The following SELP variants were observed in gnomAD, a reference collection of about 807,000 sequenced individuals.
The protein encoded by SELP is selectin P, also known as P-selectin.
In SELP, 92 loss-of-function variants were observed where a neutral mutation model predicts 104.1. The ratio of observed to expected loss-of-function variants is 0.88; its 90% CI spans 0.75 to 1.05. The LOEUF is 1.05. SELP is among the 50% of genes least tolerant of loss of function. The probability of loss-of-function intolerance (pLI) is 0.00; values close to 1 mark genes in which losing one functional copy is unlikely to be tolerated. For synonymous variants in SELP, 397 were observed against 364.5 expected, an observed-to-expected ratio of 1.09 and a Z score of -1.01; for missense variants, 1,022 against 1,017.3, an observed-to-expected ratio of 1.00 and a Z score of -0.06.
At chr1:169,603,929 G>T (rs1051671732) in intron 9 of SELP, among the ~76,000 whole-genome samples, 4 of 152,202 alleles carry the variant, frequency 2.6e-5, no homozygotes, top group Admixed American at 2.6e-4. Context: ...ATGTGTCTTG[G>T]TAGCAACATG....
intron 12 of SELP, 105 bp downstream of exon 12, chr1:169,595,820 G>T: frequency 1.1e-6 from 1 of 899,082 alleles, no homozygotes; most frequent in Non-Finnish European, 1.8e-6. Context: ...ATGACACTTG[G>T]AGTAGTGGTT....
chr1:169,613,178 T>A, intron 4 of SELP, 64 bp from the exon 5 acceptor site: 1 of 1,437,736 alleles, frequency 7.0e-7, no homozygotes, highest in Non-Finnish European at 9.3e-7. Flanking sequence ...TCATGTTTGC[T>A]GAAAGCTGTA....
chr1:169,605,930 G>A (rs3917759), intron 9 of SELP, among the ~76,000 whole-genome samples: 126 of 152,218 alleles, frequency 8.3e-4, no homozygotes, highest in African/African-American at 2.7e-3. Flanking sequence ...AAAAATATAC[G>A]TCTATCCTTC....
At chr1:169,599,140 T>C (rs1008395729) in intron 10 of SELP, among the ~76,000 whole-genome samples, 1 of 152,146 alleles carries the variant, frequency 6.6e-6, no homozygotes, top group Admixed American at 6.6e-5. Context: ...GTTTACCTGT[T>C]TGAGGGGCAG....
chr1:169,596,189 CAG>C, intron 11 of SELP, 55 bp from the exon 12 acceptor site: 1 of 1,519,586 alleles, frequency 6.6e-7, no homozygotes, highest in Non-Finnish European at 9.1e-7. Flanking sequence ...GAAGCGTTAA[CAG>C]AGTTAAGGCT....
At chr1:169,617,643 C>T (rs975789566) in intron 2 of SELP, among the ~76,000 whole-genome samples, 3 of 152,106 alleles carry the variant, frequency 2.0e-5, no homozygotes, top group African/African-American at 7.2e-5. Context: ...TTCTGAGGAT[C>T]CTTGATGTTA....
At chr1:169,590,633 C>A (rs2101856794) in intron 15 of SELP, among the ~76,000 whole-genome samples, 1 of 152,242 alleles carries the variant, frequency 6.6e-6, no homozygotes, top group African/African-American at 2.4e-5. Flanking sequence ...TGCTGGATGT[C>A]TACGACAATA....
intron 1 of SELP, among the ~76,000 whole-genome samples, chr1:169,621,428 TTGTGTGTGTGTGTGTGTGTG>T (rs57079522): frequency 7.7e-6 from 1 of 130,680 alleles, no homozygotes; most frequent in Non-Finnish European, 1.6e-5. Context: ...CAGTGTGAGG[TTGTGTGTGTGTGTGTGTGTG>T]TGTGTGTGTG....
intron 9 of SELP, among the ~76,000 whole-genome samples, chr1:169,605,239 A>T (rs1000213362): frequency 6.6e-6 from 1 of 152,138 alleles, no homozygotes; most frequent in Non-Finnish European, 1.5e-5. Flanking sequence ...GGACTTTGTG[A>T]TATGTCCAGA....
intron 1 of SELP, among the ~76,000 whole-genome samples, chr1:169,623,509 C>T (rs1040750791): frequency 1.3e-5 from 2 of 152,132 alleles, no homozygotes; most frequent in African/African-American, 4.8e-5. Context: ...AGCAAAATTT[C>T]ATCAGCAAAT....
rs35101476 is a variant in SELP at position 169,613,059 on chromosome 1, G to T, written c.645C>A (p.His215Gln). The T allele has an allele frequency of 6.2e-7, 1 of 1,613,530 alleles. No individual in the cohort carries two copies. The highest frequency in any genetic ancestry group is 1.3e-5 in the African/African-American group (1 of 74,904). Reference sequence around the variant, plus strand: ...AGTTAAAAGAGAAGTTTCCCAGAGGGTGGCTGCAGTTCATGAGCACGTGTT... The same window carrying T: ...AGTTAAAAGAGAAGTTTCCCAGAGGTTGGCTGCAGTTCATGAGCACGTGTT... ...LPQHVLMNCSHPLGNFSFNSQ... is the reference protein window; with the variant it reads ...LPQHVLMNCSQPLGNFSFNSQ... Residue 215 changes from histidine to glutamine, a missense_variant, in exon 5 of 17, where the codon CAC becomes CAA. Coordinates refer to ENST00000263686, the MANE Select transcript of SELP (RefSeq NM_003005.4).
At chr1:169,599,517 T>C (rs1661795869) in intron 10 of SELP, among the ~76,000 whole-genome samples, 1 of 152,244 alleles carries the variant, frequency 6.6e-6, no homozygotes, top group Non-Finnish European at 1.5e-5. Flanking sequence ...AAAGTATACA[T>C]GATTGCATCT....
At chr1:169,619,454 T>C (rs374925579) in intron 1 of SELP, among the ~76,000 whole-genome samples, 158 of 152,338 alleles carry the variant, frequency 1.0e-3, no homozygotes, top group African/African-American at 3.5e-3. Context: ...ATTCAACAAA[T>C]GTTTATTGAG....
At chr1:169,628,953 G>A (rs1320460803) in intron 1 of SELP, among the ~76,000 whole-genome samples, 2 of 152,158 alleles carry the variant, frequency 1.3e-5, no homozygotes, top group African/African-American at 4.8e-5. Flanking sequence ...CTTGAAAAGT[G>A]TGCTATAGTA....
At chr1:169,627,717 A>G (rs1663440884) in intron 1 of SELP, among the ~76,000 whole-genome samples, 1 of 152,212 alleles carries the variant, frequency 6.6e-6, no homozygotes, top group African/African-American at 2.4e-5. Context: ...CTTCTACTTA[A>G]AGATCTCTGA....
rs191909936 is a variant in SELP, at chr1:169,590,158, G to A, written c.2483C>T (p.Pro828Leu). Residue 828 changes from proline to leucine, a missense_variant, in exon 16 of 17, where the codon CCG becomes CTG. By Grantham distance (98) the Pro-to-Leu change is moderately conservative. Coordinates refer to ENST00000263686, the MANE Select transcript of SELP (RefSeq NM_003005.4). Reference protein sequence around the residue: ...YGVFTNAAFDPSP With the variant: ...YGVFTNAAFDLSP ...TATAGGGATCTTACCTTAAGGACTCGGGTCAAATGCAGCGTTTGTAAAAAC... is the reference window on the plus strand; with the variant it reads ...TATAGGGATCTTACCTTAAGGACTCAGGTCAAATGCAGCGTTTGTAAAAAC... 501 of 1,611,320 alleles carry A rather than the reference G, an allele frequency of 3.1e-4. 1 individual carries two copies. Among genetic ancestry groups the A allele is most frequent in the South Asian group, 1.4e-3 (128 of 90,990 alleles).
At chr1:169,597,230 T>C (rs913992662) in intron 10 of SELP, 54 bp from the exon 11 acceptor site, 2 of 1,457,630 alleles carry the variant, frequency 1.4e-6, no homozygotes, top group African/African-American at 2.9e-5. Context: ...AGAAGTTCTG[T>C]GTTACACAAA....
intron 5 of SELP, 27 bp from the exon 6 acceptor site, chr1:169,612,429 TGAGTCCTTG>T: frequency 1.2e-6 from 2 of 1,608,866 alleles, no homozygotes; most frequent in Non-Finnish European, 8.5e-7. Flanking sequence ...AATAATAGTG[TGAGTCCTTG>T]GACAAATTTT....
intron 14 of SELP, among the ~76,000 whole-genome samples, chr1:169,591,764 C>G (rs942943648): frequency 1.3e-5 from 2 of 152,156 alleles, no homozygotes; most frequent in Admixed American, 1.3e-4. Flanking sequence ...GCTGAGCAAG[C>G]TAATCACATA....
Sources: gnomAD v4.1 joint callset for allele counts (sites outside exome capture counted in the v4.1 genomes callset) on GRCh38, gnomAD v4.1.1 for gene constraint, MANE v1.5 for transcripts, NCBI Gene and HGNC (gene_info 2026-07-23, HGNC 2026-07-21) for gene names.